The following NYX variants were observed in gnomAD, a reference collection of about 807,000 sequenced individuals.
The protein encoded by NYX is nyctalopin, also known as leucine-rich repeat protein.
For synonymous variants in NYX, 258 were observed against 245.7 expected, an observed-to-expected ratio of 1.05 and a Z score of -0.47; for missense variants, 481 against 485.4, an observed-to-expected ratio of 0.99 and a Z score of 0.09.
Position 41,474,007 on chromosome X carries a change from C to T in NYX, c.539C>T (p.Thr180Met), listed in dbSNP as rs1242125621. 2 of 1,060,584 alleles carry T rather than the reference C, an allele frequency of 1.9e-6. No homozygotes were observed. The highest frequency in any genetic ancestry group is 2.4e-5 in the South Asian group (1 of 42,068). The allele number at this position is 1,060,584 out of a possible 1,213,427, so 87.4% of individuals were successfully genotyped here. Residue 180 changes from threonine (T) to methionine (M), a missense_variant, in exon 3 of 3, where the codon ACG (threonine) becomes ATG (methionine). Coordinates refer to ENST00000378220, the MANE Select transcript of NYX (RefSeq NM_001378477.3). ...GCGCTGCGCGGCCTGGCCAACCTGA[C>T]GCACGCGCACCTGGAGCGCGGCCGC... ...PGALRGLANL[T>M]HAHLERGRIE...
intron 2 of NYX, among the ~76,000 whole-genome samples, chrX:41,449,319 G>A (rs746613166): frequency 2.7e-5 from 3 of 111,640 alleles, no homozygotes; most frequent in Admixed American, 1.9e-4. Context: ...AACTTGCTCT[G>A]TTCAGTCAAC....
intron 2 of NYX, among the ~76,000 whole-genome samples, chrX:41,451,795 T>C (rs1005558789): frequency 5.4e-5 from 6 of 110,201 alleles, no homozygotes; most frequent in African/African-American, 2.0e-4. Flanking sequence ...ATTGCATGCG[T>C]GAGCCACTGC....
At position 41,452,549 on chromosome X, in the gene NYX, A is replaced by T. The variant is rs113125393; in HGVS notation, c.22+4623A>T. ...TTTTTCCTTTTGAATGCCTAGTAAT[A>T]TTCATTTGTACAGATTGACTGGTTA... is the stretch of plus-strand genomic sequence containing the variant. On this transcript the variant is annotated intron_variant, in intron 2 of 2. Transcript: ENST00000378220. Among the ~76,000 whole-genome samples the T allele has an allele frequency of 2.1e-3, 230 of 111,429 alleles. 1 individual carries two copies. The highest frequency in any genetic ancestry group is 7.1e-3 in the African/African-American group (219 of 30,700).
intron 2 of NYX, among the ~76,000 whole-genome samples, chrX:41,450,758 G>A (rs1214290742): frequency 9.8e-6 from 1 of 101,641 alleles, no homozygotes; most frequent in Non-Finnish European, 2.0e-5. Context: ...TGATTCTCAT[G>A]CCTCAGCCTC....
At chrX:41,463,818 C>G (rs774940665) in intron 2 of NYX, among the ~76,000 whole-genome samples, 108 of 110,865 alleles carry the variant, frequency 9.7e-4, no homozygotes, top group Non-Finnish European at 1.2e-3. Flanking sequence ...ATCCACCCCC[C>G]CATCGGCCTC....
intron 2 of NYX, among the ~76,000 whole-genome samples, chrX:41,460,851 A>C (rs776488338): frequency 2.3e-5 from 1 of 43,383 alleles, no homozygotes; most frequent in African/African-American, 9.1e-5. Context: ...CTAGAATTTT[A>C]TGTAAGCGGA....
At chrX:41,455,710 G>A (rs1171070264) in intron 2 of NYX, among the ~76,000 whole-genome samples, 2 of 111,113 alleles carry the variant, frequency 1.8e-5, no homozygotes, top group East Asian at 2.8e-4. Context: ...CCAAAATACC[G>A]GTGCAAGAAG....
intron 2 of NYX, among the ~76,000 whole-genome samples, chrX:41,462,374 A>G (rs773687220): frequency 1.8e-5 from 2 of 111,871 alleles, no homozygotes; most frequent in Non-Finnish European, 3.8e-5. Flanking sequence ...AAACAACCTC[A>G]TTGTTTCCAA....
chrX:41,468,461 T>C (rs1435222896), intron 2 of NYX, among the ~76,000 whole-genome samples: 1 of 110,817 alleles, frequency 9.0e-6, no homozygotes, highest in Non-Finnish European at 1.9e-5. Flanking sequence ...CTGGCTAATT[T>C]TTGTATTTTT....
rs747098081 is a variant in NYX at position 41,474,248 on chromosome X, G to T, written c.780G>T (p.Ala260=). ...RLRTLNLGGN[A]LDRVARAWFA... is the part of the protein sequence containing the mutation. ...GCACGCTCAACCTGGGTGGCAACGC[G>T]CTGGACCGCGTGGCGCGCGCCTGGT... The change falls in exon 3 of 3, where the codon GCG becomes GCT. Residue 260 remains alanine, a synonymous_variant. Transcript: ENST00000378220. 7 of 1,201,505 alleles carry T rather than the reference G, an allele frequency of 5.8e-6. No individual in the cohort carries two copies. In the South Asian group the frequency reaches 1.1e-4, roughly 18 times the overall value.
chrX:41,467,535 G>C, intron 2 of NYX, among the ~76,000 whole-genome samples: 1 of 109,273 alleles, frequency 9.2e-6, no homozygotes, highest in East Asian at 2.9e-4. Context: ...TGTATTTTTA[G>C]TAGAGACGGG....
chrX:41,448,748 CG>C (rs1426417649), intron 2 of NYX, among the ~76,000 whole-genome samples: 1 of 107,164 alleles, frequency 9.3e-6, no homozygotes, highest in Non-Finnish European at 1.9e-5. Flanking sequence ...TTAGTAAAGA[CG>C]GGGTTTCGCC....
intron 2 of NYX, among the ~76,000 whole-genome samples, chrX:41,470,277 G>A (rs1001311359): frequency 1.8e-5 from 2 of 110,834 alleles, no homozygotes; most frequent in Non-Finnish European, 3.8e-5. Flanking sequence ...AACACAAGCC[G>A]CATGTTTAAA....
At chrX:41,457,176 C>T (rs1270010018) in intron 2 of NYX, among the ~76,000 whole-genome samples, 1 of 110,330 alleles carries the variant, frequency 9.1e-6, no homozygotes, top group African/African-American at 3.3e-5. Flanking sequence ...CATGGTGGCG[C>T]ATGCCTGTAA....
chrX:41,472,670 G>A (rs1602179630), intron 2 of NYX: 1 of 406,321 alleles, frequency 2.5e-6, no homozygotes, highest in Non-Finnish European at 4.3e-6. Flanking sequence ...GGCGAGGTCC[G>A]TGGCTACTGT....
chrX:41,461,654 G>A (rs1053623094), intron 2 of NYX, among the ~76,000 whole-genome samples: 14 of 111,059 alleles, frequency 1.3e-4, no homozygotes, highest in Middle Eastern at 9.2e-3. Flanking sequence ...CACCAGCAGT[G>A]TAGAAGTGTT....
intron 2 of NYX, among the ~76,000 whole-genome samples, chrX:41,463,586 C>A (rs1012018317): frequency 9.0e-6 from 1 of 110,795 alleles, no homozygotes; most frequent in African/African-American, 3.3e-5. Context: ...CCACACCCAG[C>A]TAATTTTTGT....
chrX:41,449,673 G>A (rs897240791), intron 2 of NYX, among the ~76,000 whole-genome samples: 4 of 111,071 alleles, frequency 3.6e-5, no homozygotes, highest in South Asian at 3.8e-4. Flanking sequence ...AAGCTCTACC[G>A]TTCCTCACAG....
intron 2 of NYX, among the ~76,000 whole-genome samples, chrX:41,454,335 T>C (rs1388937531): frequency 1.9e-4 from 21 of 110,289 alleles, no homozygotes; most frequent in African/African-American, 6.6e-4. Context: ...TTTTTTGAGA[T>C]GGAGTCTCAC....
Sources: allele counts gnomAD v4.1 joint callset (sites outside exome capture counted in the v4.1 genomes callset), GRCh38; gene constraint gnomAD v4.1.1; transcripts MANE v1.5; gene names NCBI Gene and HGNC (gene_info 2026-07-23, HGNC 2026-07-21).